Variants in MOCOS observed in about 807,000 individuals in gnomAD.
MOCOS encodes the protein molybdenum cofactor sulfurase, also known as human molybdenum cofactor sulfurase.
MOCOS carries 86 observed loss-of-function variants against 83.6 expected under a neutral mutation model. That is an observed-to-expected ratio of 1.03 (90% CI 0.86 to 1.23). The LOEUF is 1.23. MOCOS is among the 50% of genes most tolerant of loss of function. The pLI, the probability that MOCOS is intolerant of heterozygous loss-of-function variation, is 0.00. For missense variants in MOCOS, 1,120 were observed against 1,126.9 expected (o/e 0.99, Z 0.09); for synonymous variants, 445 against 434.7 (o/e 1.02, Z -0.29).
At position 36,222,115 on chromosome 18, in the gene MOCOS, T is replaced by C. The variant is rs2091498382; in HGVS notation, c.1960+1898T>C. Among the ~76,000 whole-genome samples the C allele has an allele frequency of 2.0e-5, 3 of 152,152 alleles. 1 individual carries two copies. In the South Asian group the frequency reaches 6.2e-4, roughly 32 times the overall value. ...TATTCCATTAAATGAGTATACCATATTTACTTTGTTCATCTCTTAATGGAC... is the reference window on the plus strand; with the variant it reads ...TATTCCATTAAATGAGTATACCATACTTACTTTGTTCATCTCTTAATGGAC... On this transcript the variant is annotated intron_variant, in intron 9 of 14. Coordinates refer to ENST00000261326, the MANE Select transcript of MOCOS (RefSeq NM_017947.4).
At chr18:36,216,434 C>T (rs1375020548) in intron 8 of MOCOS, among the ~76,000 whole-genome samples, 3 of 152,078 alleles carry the variant, frequency 2.0e-5, no homozygotes, top group East Asian at 1.9e-4. Context: ...AAGGAGCTCC[C>T]GTTGGCCAAG....
chr18:36,209,685 CTGAGTAGTATTCCA>C (rs1244066744), intron 6 of MOCOS, among the ~76,000 whole-genome samples: 1 of 152,144 alleles, frequency 6.6e-6, no homozygotes, highest in Non-Finnish European at 1.5e-5. Flanking sequence ...CGTTTTATGG[CTGAGTAGTATTCCA>C]TGTTGTGTAT....
rs184325643 is a variant in MOCOS at position 36,256,698 on chromosome 18, C to T, written c.2165-270C>T. ...TTCCTGGCTTCATGTAACCCTCCCA[C>T]CTCAGCCTCCCAAAGTGCTGAGCCA... On this transcript the variant is annotated intron_variant, in intron 11 of 14. Coordinates refer to ENST00000261326, the MANE Select transcript of MOCOS (RefSeq NM_017947.4). 5 of 391,106 alleles carry T rather than the reference C, an allele frequency of 1.3e-5. No homozygotes were observed. The East Asian group carries it at 3.0e-4, about 24-fold the overall frequency. 24.2% of individuals were successfully genotyped at this position (391,106 alleles called of 1,614,324 possible). A position where few individuals can be genotyped will look rare whatever the true frequency, so the allele number is the denominator to read the frequency against.
At chr18:36,262,276 C>CACACACACACACACACACACACACACAT (rs1555656486) in intron 13 of MOCOS, among the ~76,000 whole-genome samples, 40 of 151,220 alleles carry the variant, frequency 2.6e-4, no homozygotes, top group African/African-American at 9.0e-4. Context: ...CACACACACA[C>CACACACACACACACACACACACACACAT]GAAAAATTAG....
intron 5 of MOCOS, among the ~76,000 whole-genome samples, 195 bp from the exon 6 acceptor site, chr18:36,204,882 A>G (rs2091428545): frequency 1.4e-5 from 2 of 146,470 alleles, no homozygotes; most frequent in South Asian, 4.4e-4. Context: ...CGTCCCAGCT[A>G]CTTGGGAGGC....
intron 11 of MOCOS, among the ~76,000 whole-genome samples, chr18:36,255,514 GGTCCCTGAGGGAGTGT>G (rs2091638295): frequency 6.6e-6 from 1 of 152,118 alleles, no homozygotes; most frequent in African/African-American, 2.4e-5. Flanking sequence ...GGAGATTGTT[GGTCCCTGAGGGAGTGT>G]GCTTTAGGAG....
At chr18:36,199,289 G>C (rs912126266) in intron 3 of MOCOS, among the ~76,000 whole-genome samples, 6 of 152,110 alleles carry the variant, frequency 3.9e-5, no homozygotes. Context: ...TTTCAAGTTA[G>C]TTCAAATGTG....
intron 9 of MOCOS, among the ~76,000 whole-genome samples, chr18:36,244,740 T>G (rs2091596570): frequency 6.6e-6 from 1 of 152,148 alleles, no homozygotes; most frequent in Admixed American, 6.5e-5. Context: ...ACTATTATTG[T>G]GTTGTCATGT....
At chr18:36,249,117 A>G in intron 10 of MOCOS, 117 bp downstream of exon 10, 1 of 853,752 alleles carries the variant, frequency 1.2e-6, no homozygotes, top group East Asian at 2.6e-5. Context: ...GTTGCTGTCC[A>G]TTTCTCCCTT....
chr18:36,221,901 T>A (rs2091497542), intron 9 of MOCOS, among the ~76,000 whole-genome samples: 1 of 152,078 alleles, frequency 6.6e-6, no homozygotes, highest in Non-Finnish European at 1.5e-5. Context: ...GATTTTGTAT[T>A]TTTAGTAGAG....
chr18:36,260,190 G>A lies in MOCOS; in HGVS notation c.2409+15G>A. The A allele has an allele frequency of 6.2e-7, 1 of 1,614,118 alleles. No homozygotes were observed. The highest frequency in any genetic ancestry group is 8.5e-7 in the Non-Finnish European group (1 of 1,179,966). On this transcript the variant is annotated intron_variant, in intron 13 of 14. Transcript: ENST00000261326. ...TGCGTTTCCAGGTAAGTTTGGGGAA[G>A]TTCTATTATCCTTCCTCCAGGGTTG... is the stretch of plus-strand genomic sequence containing the variant.
At chr18:36,209,863 G>A (rs2091447880) in intron 6 of MOCOS, among the ~76,000 whole-genome samples, 2 of 152,056 alleles carry the variant, frequency 1.3e-5, no homozygotes, top group East Asian at 1.9e-4. Context: ...AGTGACACCT[G>A]GCTAATTTTT....
intron 9 of MOCOS, among the ~76,000 whole-genome samples, chr18:36,222,455 T>A (rs983183166): frequency 1.3e-5 from 2 of 152,184 alleles, no homozygotes; most frequent in African/African-American, 4.8e-5. Flanking sequence ...TAGAGTGATA[T>A]CTCATTTTGA....
intron 11 of MOCOS, among the ~76,000 whole-genome samples, chr18:36,253,802 G>T (rs2091630652): frequency 6.6e-6 from 1 of 152,142 alleles, no homozygotes; most frequent in Admixed American, 6.5e-5. Context: ...GGGAGTGACG[G>T]GGGATAGATG....
At position 36,251,219 on chromosome 18, in the gene MOCOS, T is replaced by C. The variant is rs752543503; in HGVS notation, c.2100T>C (p.Arg700=). The C allele has an allele frequency of 4.3e-6, 7 of 1,613,882 alleles. No individual in the cohort carries two copies. The highest frequency in any genetic ancestry group is 5.9e-6 in the Non-Finnish European group (7 of 1,179,850). ...GCTGGTTGTCAACATTTTTTGGCCGTCCTTGTCATTTGATCAAACAAAGTT... is the reference window on the plus strand; with the variant it reads ...GCTGGTTGTCAACATTTTTTGGCCGCCCTTGTCATTTGATCAAACAAAGTT... ...ISSWLSTFFG[R]PCHLIKQSSN... The change falls in exon 11 of 15, where the codon CGT becomes CGC. Residue 700 remains arginine, a synonymous_variant. Coordinates refer to ENST00000261326, the MANE Select transcript of MOCOS (RefSeq NM_017947.4).
chr18:36,257,186 C>A, intron 12 of MOCOS, 113 bp downstream of exon 12: 1 of 931,092 alleles, frequency 1.1e-6, no homozygotes. Flanking sequence ...TTCAGCCCTG[C>A]TTCATGTACA....
At position 36,268,702 on chromosome 18, in the gene MOCOS, A is replaced by AC; in HGVS notation, c.*17_*18insC. On this transcript the variant is annotated 3_prime_UTR_variant, in exon 15 of 15. Coordinates refer to ENST00000261326, the MANE Select transcript of MOCOS (RefSeq NM_017947.4). ...ACCTCCTAAAAAAAATTTTTAGCAT[A>AC]AAGTTTCTCTTTTACAGTGATCTCT... The AC allele has an allele frequency of 1.2e-6, 2 of 1,601,626 alleles. No homozygotes were observed. Among genetic ancestry groups the AC allele is most frequent in the Admixed American group, 3.3e-5 (2 of 59,950 alleles).
In MOCOS at chr18:36,246,519, G is replaced by C. The variant is rs957919431; in HGVS notation, c.1961-2403G>C. Among the ~76,000 whole-genome samples, 12 of 152,384 alleles carry C rather than the reference G, an allele frequency of 7.9e-5. 1 individual carries two copies. The Middle Eastern group carries it at 0.014, about 173-fold the overall frequency. On this transcript the variant is annotated intron_variant, in intron 9 of 14. Coordinates refer to ENST00000261326, the MANE Select transcript of MOCOS (RefSeq NM_017947.4). ...GCTATGGATACCAGCACCTGCTCTAGTGAAGGTGGCGGGGAGTAAAGTGGA... is the reference window on the plus strand; with the variant it reads ...GCTATGGATACCAGCACCTGCTCTACTGAAGGTGGCGGGGAGTAAAGTGGA...
chr18:36,204,996 C>CAAAAA (rs10685658), intron 5 of MOCOS, 81 bp from the exon 6 acceptor site: 140,427 of 404,606 alleles, frequency 0.35, 20,302 homozygotes, highest in African/African-American at 0.48. Context: ...GACCGTGTCT[C>CAAAAA]AAAAAAAAAA....
Sources: allele counts gnomAD v4.1 joint callset (sites outside exome capture counted in the v4.1 genomes callset), GRCh38; gene constraint gnomAD v4.1.1; transcripts MANE v1.5; gene names NCBI Gene and HGNC (gene_info 2026-07-23, HGNC 2026-07-21).